SMARCA2: variants seen among roughly 807,000 people sequenced by gnomAD.
SMARCA2 encodes the protein SWI/SNF-related matrix-associated actin-dependent regulator of chromatin subfamily A member 2.
SMARCA2 carries 61 observed loss-of-function variants against 199.8 expected under a neutral mutation model. The observed-to-expected ratio is 0.31, with a 90% CI of 0.25 to 0.38. SMARCA2 has a LOEUF of 0.38. SMARCA2 is among the 10% of genes least tolerant of loss of function. The probability of loss-of-function intolerance (pLI) is 1.00; values close to 1 mark genes in which losing one functional copy is unlikely to be tolerated. For missense variants in SMARCA2, 1,344 were observed against 2,012.2 expected (o/e 0.67, Z 6.35); for synonymous variants, 935 against 732.0 (o/e 1.28, Z -4.48).
At chr9:2,052,045 A>C (rs1193568757) in intron 5 of SMARCA2, among the ~76,000 whole-genome samples, 2 of 152,248 alleles carry the variant, frequency 1.3e-5, no homozygotes, top group African/African-American at 4.8e-5. Flanking sequence ...ATGTGGAAGA[A>C]AGTTGGGAGA....
chr9:2,120,468 A>T (rs561455634), intron 26 of SMARCA2, among the ~76,000 whole-genome samples: 17 of 152,330 alleles, frequency 1.1e-4, no homozygotes, highest in African/African-American at 4.1e-4. Flanking sequence ...TGATCTCTAG[A>T]TTTTAAAACA....
intron 33 of SMARCA2, 162 bp from the exon 34 acceptor site, chr9:2,192,542 C>G: frequency 4.4e-6 from 3 of 679,770 alleles, no homozygotes; most frequent in East Asian, 2.7e-5. Context: ...TAGAGACTGT[C>G]GATGCCTCTT....
chr9:2,161,775 A>T lies in SMARCA2; in HGVS notation c.4071A>T (p.Ala1357=). ...GAAGAAATGTGGATAAAGATCCTGC[A>T]AAAGAAGATGTGGAAAAAGCTAAGA... The part of the protein sequence containing the change: ...KRRRNVDKDP[A]KEDVEKAKKR... Residue 1357 remains alanine, a synonymous_variant, in exon 28 of 34, where the codon GCA becomes GCT. Transcript: ENST00000349721. This position sits in a 1 kb window ranked among gnomAD's most constrained non-coding sequence, Gnocchi z 4.7. 6.2e-7 allele frequency: 1 copy of T among 1,614,120 alleles called. No homozygotes were observed. Among genetic ancestry groups the T allele is most frequent in the Non-Finnish European group, 8.5e-7 (1 of 1,179,972 alleles).
chr9:2,067,971 C>T (rs868550218), intron 9 of SMARCA2, among the ~76,000 whole-genome samples: 4 of 152,236 alleles, frequency 2.6e-5, no homozygotes, highest in Middle Eastern at 3.4e-3. Flanking sequence ...AGTGGTGATC[C>T]AATTCCACTT....
rs57704949 is a variant in SMARCA2, at chr9:2,019,496, C to CAA, written c.-37+4109_-37+4110dup. On this transcript the variant is annotated intron_variant, in intron 1 of 33. Transcript: ENST00000349721. ...ACCAACACCTGAGGCTTAGAATTGA[C>CAA]AAAAAAAAAAAAAAAAAAGTGCCTC... is the stretch of plus-strand genomic sequence containing the variant. Among the ~76,000 whole-genome samples the CAA allele has an allele frequency of 8.8e-4, 72 of 81,776 alleles. No homozygotes were observed. In the East Asian group the frequency reaches 0.013, roughly 14 times the overall value. 53.6% of individuals were successfully genotyped at this position (81,776 alleles called of 152,430 possible).
intron 27 of SMARCA2, among the ~76,000 whole-genome samples, chr9:2,143,283 T>G (rs1406121024): frequency 1.3e-5 from 2 of 152,132 alleles, no homozygotes; most frequent in African/African-American, 4.8e-5. Flanking sequence ...GGACAGAGTT[T>G]TTAACAGCAG....
intron 6 of SMARCA2, among the ~76,000 whole-genome samples, chr9:2,055,839 T>C (rs1820328758): frequency 6.6e-6 from 1 of 152,250 alleles, no homozygotes; most frequent in Non-Finnish European, 1.5e-5. Context: ...TAAATGAATA[T>C]TAACCAAGTA....
intron 32 of SMARCA2, among the ~76,000 whole-genome samples, chr9:2,186,476 C>G (rs1017901164): frequency 2.0e-5 from 3 of 152,064 alleles, no homozygotes; most frequent in African/African-American, 7.3e-5. Flanking sequence ...AGGCTGGGCT[C>G]CTAGCAAACA....
chr9:2,133,825 T>C (rs1198213177), intron 27 of SMARCA2, among the ~76,000 whole-genome samples: 1 of 152,132 alleles, frequency 6.6e-6, no homozygotes, highest in Non-Finnish European at 1.5e-5. Context: ...AAAATAACTG[T>C]GACTTTTGAT....
Position 2,115,191 on chromosome 9 carries a change from C to T in SMARCA2, c.3457-631C>T, listed in dbSNP as rs922623963. Among the ~76,000 whole-genome samples the T allele has an allele frequency of 6.6e-6, 1 of 152,156 alleles. No homozygotes were observed. The highest frequency in any genetic ancestry group is 2.4e-5 in the African/African-American group (1 of 41,436). ...GTCGGAGACATAGACAGTTTTAACACTTCTAATAGGTAGTGACAAATTTCT... is the reference window on the plus strand; with the variant it reads ...GTCGGAGACATAGACAGTTTTAACATTTCTAATAGGTAGTGACAAATTTCT... On this transcript the variant is annotated intron_variant, in intron 24 of 33. Transcript: ENST00000349721. The surrounding 1 kb of genome is among the most constrained non-coding windows in gnomAD (Gnocchi z 6.0).
intron 31 of SMARCA2, among the ~76,000 whole-genome samples, chr9:2,184,128 T>G (rs1448916578): frequency 6.6e-6 from 1 of 152,206 alleles, no homozygotes; most frequent in African/African-American, 2.4e-5. Context: ...GTAGACTGCT[T>G]GCTGAGGTCT....
chr9:2,136,802 C>T (rs377686951), intron 27 of SMARCA2, among the ~76,000 whole-genome samples: 2 of 152,140 alleles, frequency 1.3e-5, no homozygotes, highest in African/African-American at 4.8e-5. Flanking sequence ...TAAAATAAAC[C>T]ATGAGATGCT....
rs776706794 is a variant in SMARCA2, at chr9:2,070,436, G to C, written c.1711G>C (p.Glu571Gln). ...RRKKKAEENA[E>Q]GGESALGPDG... ...TTTGCAGAAGGCTGAGGAGAATGCA[G>C]AGGGTGGGGAGTCTGCCCTGGGACC... Residue 571 changes from glutamate to glutamine, a missense_variant, in exon 10 of 34, where the codon GAG becomes CAG. Transcript: ENST00000349721. The C allele has an allele frequency of 6.8e-6, 11 of 1,613,866 alleles. No homozygotes were observed. In the East Asian group the frequency reaches 8.9e-5, roughly 13 times the overall value.
rs56186732 is a variant in SMARCA2 at position 2,176,182 on chromosome 9, GT to G, written c.4254-5368del. ...AGGCATGAGCCACCGCGCCCGGCCT[GT>G]TTTTTTTTTTTTTTTTTTTTATAAT... On this transcript the variant is annotated intron_variant, in intron 29 of 33. Transcript: ENST00000349721. 8.8e-3 allele frequency among the ~76,000 whole-genome samples: 921 copies of G among 104,138 alleles called. 4 individuals are homozygous for G. Among genetic ancestry groups the G allele is most frequent in the East Asian group, 0.02 (70 of 3,576 alleles). The allele number at this position is 104,138 out of a possible 152,430, so 68.3% of individuals were successfully genotyped here.
chr9:2,115,775 C>G lies in SMARCA2; in HGVS notation c.3457-47C>G. On this transcript the variant is annotated intron_variant, in intron 24 of 33. Coordinates refer to ENST00000349721, the MANE Select transcript of SMARCA2 (RefSeq NM_003070.5). The surrounding 1 kb of genome is among the most constrained non-coding windows in gnomAD (Gnocchi z 6.0). ...TGGGGTGGGGTCCGGTTTTGGATGCCTATGCCAGGCATCTCAGTCCTCATA... is the reference window on the plus strand; with the variant it reads ...TGGGGTGGGGTCCGGTTTTGGATGCGTATGCCAGGCATCTCAGTCCTCATA... 6.6e-7 allele frequency: 1 copy of G among 1,519,368 alleles called. No homozygotes were observed. Among genetic ancestry groups the G allele is most frequent in the Non-Finnish European group, 9.1e-7 (1 of 1,100,590 alleles). 94.1% of individuals were successfully genotyped at this position (1,519,368 alleles called of 1,614,324 possible). A position where few individuals can be genotyped will look rare whatever the true frequency, so the allele number is the denominator to read the frequency against.
At chr9:2,173,270 C>T (rs1227602363) in intron 29 of SMARCA2, among the ~76,000 whole-genome samples, 1 of 152,156 alleles carries the variant, frequency 6.6e-6, no homozygotes, top group South Asian at 2.1e-4. Context: ...CTCTACTTGG[C>T]CATTAGCAGC....
Position 2,047,279 on chromosome 9 carries a change from C to A in SMARCA2, c.841C>A (p.Pro281Thr). 1.0e-6 allele frequency: 1 copy of A among 996,956 alleles called. No homozygotes were observed. Among genetic ancestry groups the A allele is most frequent in the Non-Finnish European group, 1.2e-6 (1 of 838,784 alleles). 61.8% of individuals were successfully genotyped at this position (996,956 alleles called of 1,614,324 possible). A position where few individuals can be genotyped will look rare whatever the true frequency, so the allele number is the denominator to read the frequency against. The part of the protein sequence containing the change: ...GPSTPQKLPV[P>T]APGGRPSPAP... ...GAGCACCCCGCAGAAGCTGCCGGTG[C>A]CCGCGCCCGGCGGCCGGCCCTCGCC... is the stretch of plus-strand genomic sequence containing the variant. Residue 281 changes from proline (P) to threonine (T), a missense_variant, in exon 5 of 34, where the codon CCC becomes ACC. Pro to Thr is a conservative substitution (Grantham distance 38). Around this residue, in one of 18 missense-constraint regions of SMARCA2, gnomAD observed 117 missense variants for 99.1 expected, o/e 1.18. Coordinates refer to ENST00000349721, the MANE Select transcript of SMARCA2 (RefSeq NM_003070.5).
At chr9:2,106,701 G>C (rs376835116) in intron 23 of SMARCA2, among the ~76,000 whole-genome samples, 8 of 152,256 alleles carry the variant, frequency 5.3e-5, no homozygotes, top group South Asian at 2.1e-4. Context: ...CACTTGATGA[G>C]AGCTAAGCAG....
intron 24 of SMARCA2, among the ~76,000 whole-genome samples, chr9:2,114,398 G>A (rs1396704431): frequency 6.6e-6 from 1 of 152,204 alleles, no homozygotes; most frequent in African/African-American, 2.4e-5. Context: ...GCAGCCTTTT[G>A]TCTGCTGCCT....
Sources: allele counts gnomAD v4.1 joint callset (sites outside exome capture counted in the v4.1 genomes callset), GRCh38; gene constraint gnomAD v4.1.1; regional missense constraint gnomAD v4.1.1; non-coding constraint Gnocchi (gnomAD v3.1); transcripts MANE v1.5; gene names NCBI Gene and HGNC (gene_info 2026-07-23, HGNC 2026-07-21).